Variants in VAMP4 observed in about 807,000 individuals in gnomAD.
VAMP4 encodes vesicle associated membrane protein 4.
Under a neutral mutation model 23.5 loss-of-function variants are expected in VAMP4, and 19 were observed. The ratio of observed to expected loss-of-function variants is 0.81; its 90% CI spans 0.56 to 1.19. The LOEUF (loss-of-function observed/expected upper bound fraction) is 1.19. VAMP4 is among the 50% of genes most tolerant of loss of function. The pLI, the probability that VAMP4 is intolerant of heterozygous loss-of-function variation, is 0.00. For missense variants in VAMP4, 145 were observed against 168.6 expected, an observed-to-expected ratio of 0.86 and a Z score of 0.78; for synonymous variants, 31 against 51.0, an observed-to-expected ratio of 0.61 and a Z score of 1.67.
In VAMP4 at chr1:171,723,095, A is replaced by G. The variant is rs184819819; in HGVS notation, c.114-3874T>C. ...TTCTGTGATGCCCCCCTACGCCGCA[A>G]AACCAGCAAGATTTTGTTGTGATTT... On this transcript the variant is annotated intron_variant, in intron 3 of 7. Coordinates refer to ENST00000236192, the MANE Select transcript of VAMP4 (RefSeq NM_003762.5). Among the ~76,000 whole-genome samples, 6 of 152,272 alleles carry G rather than the reference A, an allele frequency of 3.9e-5. No homozygotes were observed. The East Asian group carries it at 1.2e-3, about 29-fold the overall frequency.
At position 171,700,951 on chromosome 1, in the gene VAMP4, C is replaced by T. The variant is rs1000799043; in HGVS notation, c.*3555G>A. Reference sequence around the variant, plus strand: ...AAGCCAGAATAAATGCATTTGTATTCCCATCCCTAATTCTACTTGGTTTCC... The same window carrying T: ...AAGCCAGAATAAATGCATTTGTATTTCCATCCCTAATTCTACTTGGTTTCC... On this transcript the variant is annotated 3_prime_UTR_variant, in exon 8 of 8. Transcript: ENST00000236192. 2 of 151,910 alleles carry T rather than the reference C, an allele frequency of 1.3e-5. No individual in the cohort carries two copies. The highest frequency in any genetic ancestry group is 2.9e-5 in the Non-Finnish European group (2 of 67,968). 9.4% of individuals were successfully genotyped at this position (151,910 alleles called of 1,614,324 possible).
rs1654482670 is a variant in VAMP4 at position 171,702,520 on chromosome 1, T to C, written c.*1986A>G. On this transcript the variant is annotated 3_prime_UTR_variant, in exon 8 of 8. Transcript: ENST00000236192. ...TATGGATACTTTTTGAGAAGTAATC[T>C]TCATCTTCACTTGTAGATATTATGG... 1 of 152,014 alleles carries C rather than the reference T, an allele frequency of 6.6e-6. No individual in the cohort carries two copies. The highest frequency in any genetic ancestry group is 2.4e-5 in the African/African-American group (1 of 41,454). 9.4% of individuals were successfully genotyped at this position (152,014 alleles called of 1,614,324 possible). A position where few individuals can be genotyped will look rare whatever the true frequency, so the allele number is the denominator to read the frequency against.
chr1:171,709,864 T>C, intron 5 of VAMP4, 120 bp from the exon 6 acceptor site: 1 of 739,728 alleles, frequency 1.4e-6, no homozygotes, highest in South Asian at 1.7e-5. Context: ...CTTTTAAGCA[T>C]GAAAACAGCA....
intron 3 of VAMP4, among the ~76,000 whole-genome samples, chr1:171,722,412 C>A (rs1042300966): frequency 3.9e-5 from 6 of 152,098 alleles, no homozygotes; most frequent in East Asian, 1.9e-4. Context: ...AATGGGATCT[C>A]ATTAAACTAA....
Position 171,703,010 on chromosome 1 carries a change from A to ACC in VAMP4, c.*1495_*1496insGG, listed in dbSNP as rs1404876102. On this transcript the variant is annotated 3_prime_UTR_variant, in exon 8 of 8. Transcript: ENST00000236192. ...GTAGAATTTTAAAAACAGACAAAAA[A>ACC]ACACCAAACCCAGATTCTATGCTTT... 6 of 151,940 alleles carry ACC rather than the reference A, an allele frequency of 3.9e-5. No homozygotes were observed. Among genetic ancestry groups the ACC allele is most frequent in the African/African-American group, 1.4e-4 (6 of 41,416 alleles). The allele number at this position is 151,940 out of a possible 1,614,324, so 9.4% of individuals were successfully genotyped here.
chr1:171,739,606 A>T (rs1010368619), intron 1 of VAMP4, among the ~76,000 whole-genome samples: 1 of 152,146 alleles, frequency 6.6e-6, no homozygotes, highest in African/African-American at 2.4e-5. Flanking sequence ...AAGTGGGGGG[A>T]ATCTTGTAGG....
chr1:171,713,524 T>G (rs753031993), intron 4 of VAMP4, among the ~76,000 whole-genome samples: 2 of 152,060 alleles, frequency 1.3e-5, no homozygotes, highest in Non-Finnish European at 2.9e-5. Flanking sequence ...GCTAATAAAA[T>G]AATTATGGTC....
At chr1:171,735,706 C>T (rs1655718957) in intron 2 of VAMP4, among the ~76,000 whole-genome samples, 1 of 152,200 alleles carries the variant, frequency 6.6e-6, no homozygotes, top group South Asian at 2.1e-4. Context: ...TTTGTGCACG[C>T]TGATCACTGA....
intron 3 of VAMP4, among the ~76,000 whole-genome samples, chr1:171,722,249 T>C (rs950684388): frequency 6.6e-6 from 1 of 152,100 alleles, no homozygotes; most frequent in Non-Finnish European, 1.5e-5. Context: ...TATACAAAAA[T>C]TAATTCAAGA....
At chr1:171,710,104 T>C (rs1310487087) in intron 5 of VAMP4, among the ~76,000 whole-genome samples, 1 of 151,942 alleles carries the variant, frequency 6.6e-6, no homozygotes, top group Non-Finnish European at 1.5e-5. Flanking sequence ...AAATTACATG[T>C]TGAGAAGTTA....
intron 2 of VAMP4, among the ~76,000 whole-genome samples, chr1:171,730,632 G>T (rs1655530171): frequency 6.6e-6 from 1 of 150,658 alleles, no homozygotes; most frequent in South Asian, 2.1e-4. Context: ...TGTTGACAGA[G>T]AACACAGATT....
chr1:171,719,829 A>G (rs1280912046), intron 3 of VAMP4, among the ~76,000 whole-genome samples: 1 of 152,060 alleles, frequency 6.6e-6, no homozygotes, highest in Non-Finnish European at 1.5e-5. Context: ...AGTTGAGTGT[A>G]TATCACACCT....
At chr1:171,713,965 A>G (rs1003063992) in intron 4 of VAMP4, among the ~76,000 whole-genome samples, 1 of 152,228 alleles carries the variant, frequency 6.6e-6, no homozygotes, top group African/African-American at 2.4e-5. Context: ...CATGGCACAC[A>G]TGTAATAAAT....
intron 2 of VAMP4, among the ~76,000 whole-genome samples, chr1:171,733,936 T>C (rs555378792): frequency 1.7e-3 from 255 of 152,250 alleles, no homozygotes; most frequent in African/African-American, 5.8e-3. Flanking sequence ...CAAACATCTA[T>C]GAACTGATAA....
intron 4 of VAMP4, among the ~76,000 whole-genome samples, chr1:171,714,592 C>A (rs1654965775): frequency 6.6e-6 from 1 of 152,002 alleles, no homozygotes; most frequent in African/African-American, 2.4e-5. Context: ...GCCAACATGG[C>A]AAAACCCTGT....
chr1:171,734,394 A>G (rs1655670014), intron 2 of VAMP4, among the ~76,000 whole-genome samples: 1 of 152,216 alleles, frequency 6.6e-6, no homozygotes, highest in African/African-American at 2.4e-5. Flanking sequence ...CATTTACAGA[A>G]AACGTCCAGA....
rs1654519595 is a variant in VAMP4, at chr1:171,703,415, GTGTTTGTGTGTATA to G, written c.*1077_*1090del. ...TGCGTGTGTGTGTGTGTGTGTGTGT[GTGTTTGTGTGTATA>G]TATATATATATATATATATATATAT... On this transcript the variant is annotated 3_prime_UTR_variant, in exon 8 of 8. Transcript: ENST00000236192. 4 of 101,142 alleles carry G rather than the reference GTGTTTGTGTGTATA, an allele frequency of 4.0e-5. No individual in the cohort carries two copies. The highest frequency in any genetic ancestry group is 1.2e-4 in the African/African-American group (3 of 25,740). The allele number at this position is 101,142 out of a possible 1,614,324, so 6.3% of individuals were successfully genotyped here.
chr1:171,703,955 A>C lies in VAMP4; in HGVS notation c.*551T>G, dbSNP rs1654563905. On this transcript the variant is annotated 3_prime_UTR_variant, in exon 8 of 8. Coordinates refer to ENST00000236192, the MANE Select transcript of VAMP4 (RefSeq NM_003762.5). ...AAAATATATTTACTGGAATGTTTTT[A>C]GTTATACCTGAGGGCAACAACATTT... The C allele has an allele frequency of 6.6e-6, 1 of 152,502 alleles. No individual in the cohort carries two copies. The highest frequency in any genetic ancestry group is 2.4e-5 in the African/African-American group (1 of 41,460). 9.4% of individuals were successfully genotyped at this position (152,502 alleles called of 1,614,324 possible). A position where few individuals can be genotyped will look rare whatever the true frequency, so the allele number is the denominator to read the frequency against.
intron 3 of VAMP4, among the ~76,000 whole-genome samples, chr1:171,726,847 G>A (rs1441193428): frequency 1.3e-5 from 2 of 151,986 alleles, no homozygotes; most frequent in Non-Finnish European, 2.9e-5. Flanking sequence ...ATCTTCAAAA[G>A]ATATTATTAC....
Sources: gnomAD v4.1 joint callset for allele counts (sites outside exome capture counted in the v4.1 genomes callset) on GRCh38, gnomAD v4.1.1 for gene constraint, MANE v1.5 for transcripts, NCBI Gene and HGNC (gene_info 2026-07-23, HGNC 2026-07-21) for gene names.